ROS1: variants seen among roughly 807,000 people sequenced by gnomAD.
The protein encoded by ROS1 is ROS proto-oncogene 1, receptor tyrosine kinase.
A neutral mutation model predicts 273.5 loss-of-function variants in ROS1; 263 were observed. The ratio of observed to expected loss-of-function variants is 0.96; its 90% confidence interval spans 0.87 to 1.06. The LOEUF (loss-of-function observed/expected upper bound fraction) is 1.06. ROS1 is among the 50% of genes least tolerant of loss of function. ROS1 has a pLI of 0.00. For missense variants in ROS1, 2,833 were observed against 2,751.1 expected (o/e 1.03, Z -0.67); for synonymous variants, 1,008 against 954.1 (o/e 1.06, Z -1.04).
chr6:117,416,418 T>C, intron 2 of ROS1, 101 bp from the exon 3 acceptor site: 2 of 784,216 alleles, frequency 2.6e-6, no homozygotes, highest in Admixed American at 2.1e-5. Context: ...TCACTCTGTG[T>C]TTTAGAAATA....
At chr6:117,353,215 A>C (rs768911712) in intron 26 of ROS1, 49 bp from the exon 27 acceptor site, 4 of 1,316,464 alleles carry the variant, frequency 3.0e-6, no homozygotes, top group Non-Finnish European at 4.1e-6. Context: ...AATATCTTAC[A>C]TTTTTTACTC....
chr6:117,401,750 T>C (rs187526238), intron 7 of ROS1, among the ~76,000 whole-genome samples: 1 of 145,894 alleles, frequency 6.9e-6, no homozygotes, highest in African/African-American at 2.6e-5. Flanking sequence ...AAGTGCGCAA[T>C]CTTCCTTTCA....
chr6:117,405,069 A>G (rs1222791279), intron 5 of ROS1, among the ~76,000 whole-genome samples: 1 of 152,128 alleles, frequency 6.6e-6, no homozygotes, highest in Non-Finnish European at 1.5e-5. Flanking sequence ...GGATGAAATG[A>G]TTTTACTCTA....
intron 43 of ROS1, among the ~76,000 whole-genome samples, chr6:117,289,541 C>T (rs1222589795): frequency 6.6e-6 from 1 of 152,100 alleles, no homozygotes; most frequent in African/African-American, 2.4e-5. Context: ...AACTACAAAG[C>T]TTATTTTATA....
intron 39 of ROS1, among the ~76,000 whole-genome samples, chr6:117,316,903 G>A (rs1255227944): frequency 2.0e-5 from 3 of 152,172 alleles, no homozygotes; most frequent in East Asian, 3.9e-4. Flanking sequence ...TTCTGGCAAT[G>A]AGGGTCATGT....
chr6:117,339,668 T>C (rs1297808183), intron 31 of ROS1, among the ~76,000 whole-genome samples: 13 of 152,128 alleles, frequency 8.5e-5, no homozygotes, highest in Admixed American at 8.5e-4. Flanking sequence ...GACTCTATCT[T>C]GTATTTGCAG....
chr6:117,374,245 A>T (rs111301990), intron 18 of ROS1, among the ~76,000 whole-genome samples: 2 of 152,250 alleles, frequency 1.3e-5, no homozygotes, highest in African/African-American at 4.8e-5. Context: ...AAACTGTACT[A>T]TAAGGCTATA....
intron 4 of ROS1, 102 bp from the exon 5 acceptor site, chr6:117,409,744 T>C (rs2243374): frequency 0.013 from 10,539 of 836,862 alleles, 152 homozygotes; most frequent in Middle Eastern, 0.054. Flanking sequence ...TATGCAAGTA[T>C]ATCTTTGACC....
chr6:117,320,116 G>C (rs2128559471), intron 36 of ROS1, 86 bp from the exon 37 acceptor site: 5 of 1,190,262 alleles, frequency 4.2e-6, no homozygotes, highest in Non-Finnish European at 4.8e-6. Flanking sequence ...TTGTGTTTGA[G>C]AGAGAAAGAA....
rs80176157 is a variant in ROS1 at position 117,312,955 on chromosome 6, C to A, written c.6118-1838G>T. 6.1e-3 allele frequency among the ~76,000 whole-genome samples: 925 copies of A among 152,220 alleles called. 9 individuals carry two copies. Among genetic ancestry groups the A allele is most frequent in the African/African-American group, 0.021 (877 of 41,540 alleles). On this transcript the variant is annotated intron_variant, in intron 39 of 43. Transcript: ENST00000368507. ...TCTTCCATGAAGCCCTCTCAGGTTT[C>A]CTCAGTTGGAAATCACTCCTTCCTC...
At chr6:117,296,751 G>A (rs139254243) in intron 43 of ROS1, among the ~76,000 whole-genome samples, 3,671 of 152,160 alleles carry the variant, frequency 0.024, 67 homozygotes, top group Non-Finnish European at 0.034. Flanking sequence ...TAGCACAATA[G>A]GGTAACTATA....
intron 27 of ROS1, 57 bp from the exon 28 acceptor site, chr6:117,344,319 A>G (rs1270461346): frequency 8.2e-7 from 1 of 1,220,064 alleles, no homozygotes; most frequent in Non-Finnish European, 1.1e-6. Flanking sequence ...TGAGAGGAAA[A>G]GCAGATTTTT....
chr6:117,344,502 T>C (rs1037463780), intron 27 of ROS1, among the ~76,000 whole-genome samples: 3 of 152,224 alleles, frequency 2.0e-5, no homozygotes, highest in Non-Finnish European at 2.9e-5. Flanking sequence ...GTCTACCCAA[T>C]GTCCTCTCCT....
rs566502943 is a variant in ROS1, at chr6:117,299,450, C to T, written c.6715+1524G>A. The T allele has an allele frequency of 2.0e-5, 3 of 152,322 alleles. No individual in the cohort carries two copies. In the East Asian group the frequency reaches 5.8e-4, roughly 29 times the overall value. 9.4% of individuals were successfully genotyped at this position (152,322 alleles called of 1,614,324 possible). A position where few individuals can be genotyped will look rare whatever the true frequency, so the allele number is the denominator to read the frequency against. ...TGATGTCTGGCTATGCGGGTGTCCC[C>T]TTTCTCCACTGTTCCACGTGTAGCC... On this transcript the variant is annotated intron_variant, in intron 43 of 43. Transcript: ENST00000368507.
intron 18 of ROS1, among the ~76,000 whole-genome samples, chr6:117,373,308 C>T (rs372308574): frequency 8.5e-5 from 13 of 152,378 alleles, no homozygotes; most frequent in African/African-American, 2.2e-4. Flanking sequence ...AGCCCTTGGG[C>T]GGTCAATGGG....
chr6:117,387,067 C>T, intron 14 of ROS1, 68 bp from the exon 15 acceptor site: 1 of 781,580 alleles, frequency 1.3e-6, no homozygotes, highest in Non-Finnish European at 2.2e-6. Context: ...ATCTTATATA[C>T]TTATATCTAT....
At chr6:117,316,059 T>A (rs1242349723) in intron 39 of ROS1, among the ~76,000 whole-genome samples, 1 of 152,140 alleles carries the variant, frequency 6.6e-6, no homozygotes, top group Non-Finnish European at 1.5e-5. Context: ...GTTCTAATAA[T>A]GCAAACCTGG....
At position 117,396,912 on chromosome 6, in the gene ROS1, T is replaced by C. The variant is rs1452371735; in HGVS notation, c.806+3A>G. 3 of 1,599,996 alleles carry C rather than the reference T, an allele frequency of 1.9e-6. No homozygotes were observed. The highest frequency in any genetic ancestry group is 2.6e-6 in the Non-Finnish European group (3 of 1,167,224). ...ATTTTCCTCTGTATCACTTAATTCT[T>C]ACCTGTAGATAGTATTTGGTAAAGT... On this transcript the variant is annotated splice_donor_region_variant and intron_variant, in intron 8 of 43. Transcript: ENST00000368507.
chr6:117,299,581 G>T (rs1446924098), intron 43 of ROS1: 1 of 152,190 alleles, frequency 6.6e-6, no homozygotes, highest in Non-Finnish European at 1.5e-5. Flanking sequence ...CAAGGTAAAG[G>T]TGTCTCCTGC....
Sources: gnomAD v4.1 joint callset for allele counts (sites outside exome capture counted in the v4.1 genomes callset) on GRCh38, gnomAD v4.1.1 for gene constraint, MANE v1.5 for transcripts, NCBI Gene and HGNC (gene_info 2026-07-23, HGNC 2026-07-21) for gene names.